DYRK4: variants seen among roughly 807,000 people sequenced by gnomAD.
The protein encoded by DYRK4 is dual specificity tyrosine phosphorylation regulated kinase 4.
A neutral mutation model predicts 68.3 loss-of-function variants in DYRK4; 64 were observed. The ratio of observed to expected loss-of-function variants is 0.94; its 90% confidence interval spans 0.77 to 1.15. The LOEUF is 1.15. Among genes scored for constraint, DYRK4 ranks in the 50% most tolerant of loss-of-function variants. The pLI is 0.00. For synonymous variants in DYRK4, 274 were observed against 289.9 expected, an observed-to-expected ratio of 0.95 and a Z score of 0.56; for missense variants, 740 against 764.7, an observed-to-expected ratio of 0.97 and a Z score of 0.38.
chr12:4,579,046 G>A (rs1565534087), intron 2 of DYRK4, among the ~76,000 whole-genome samples: 2 of 152,164 alleles, frequency 1.3e-5, no homozygotes, highest in Non-Finnish European at 2.9e-5. Context: ...GGAGGCCGAG[G>A]TGGGTGGATC....
At chr12:4,609,621 G>A (rs1025158452) in intron 12 of DYRK4, among the ~76,000 whole-genome samples, 3 of 152,172 alleles carry the variant, frequency 2.0e-5, no homozygotes, top group East Asian at 1.9e-4. Flanking sequence ...ACTGATGAGG[G>A]CCAGAGTGAG....
chr12:4,568,089 T>C (rs2240766), intron 2 of DYRK4, 41 bp downstream of exon 2: 727,343 of 1,515,686 alleles, frequency 0.48, 178,224 homozygotes, highest in African/African-American at 0.56. Context: ...AGAGGTATCA[T>C]TGCGAGGTCC....
chr12:4,568,342 C>G (rs767981746), intron 2 of DYRK4, among the ~76,000 whole-genome samples: 1 of 151,986 alleles, frequency 6.6e-6, no homozygotes, highest in Non-Finnish European at 1.5e-5. Context: ...TGGAAGTTAC[C>G]TGGAATAGTT....
At chr12:4,584,542 T>C (rs1944875142) in intron 2 of DYRK4, among the ~76,000 whole-genome samples, 1 of 150,846 alleles carries the variant, frequency 6.6e-6, no homozygotes, top group Admixed American at 6.6e-5. Context: ...CCCTTCCTTT[T>C]CTAATCAGCC....
At position 4,588,990 on chromosome 12, in the gene DYRK4, C is replaced by T. The variant is rs1944925418; in HGVS notation, c.186C>T (p.Asn62=). Residue 62 remains asparagine, a synonymous_variant, in exon 3 of 15, where the codon AAC becomes AAT. Coordinates refer to ENST00000543431, the MANE Select transcript of DYRK4 (RefSeq NM_001394779.1). ...AGAAGCCACCTTCCAATATCAAGAA[C>T]TCCAGAATGACCCAAGTCTTTCATA... is the stretch of plus-strand genomic sequence containing the variant. ...QIQKPPSNIK[N]SRMTQVFHKN... is the part of the protein sequence containing the mutation. 4 of 1,536,100 alleles carry T rather than the reference C, an allele frequency of 2.6e-6. No homozygotes were observed. The highest frequency in any genetic ancestry group is 3.5e-6 in the Non-Finnish European group (4 of 1,146,904).
At chr12:4,569,404 AATC>A (rs1944709093) in intron 2 of DYRK4, among the ~76,000 whole-genome samples, 1 of 152,186 alleles carries the variant, frequency 6.6e-6, no homozygotes, top group African/African-American at 2.4e-5. Flanking sequence ...ATTTTAGCAA[AATC>A]ATCATGAGGT....
At chr12:4,608,367 T>G (rs1945178140) in intron 12 of DYRK4, among the ~76,000 whole-genome samples, 1 of 152,190 alleles carries the variant, frequency 6.6e-6, no homozygotes, top group South Asian at 2.1e-4. Context: ...CCTCTGATTT[T>G]CAACTGCGAG....
At chr12:4,579,135 CG>C (rs977631325) in intron 2 of DYRK4, among the ~76,000 whole-genome samples, 47 of 152,016 alleles carry the variant, frequency 3.1e-4, no homozygotes, top group Admixed American at 2.8e-3. Context: ...ATTAGCTGAG[CG>C]TGGTGGCGTG....
intron 10 of DYRK4, chr12:4,602,527 A>G: frequency 1.7e-6 from 2 of 1,196,468 alleles, no homozygotes; most frequent in Non-Finnish European, 2.4e-6. Flanking sequence ...GTGGGATATA[A>G]GCCAACTTAT....
Position 4,613,440 on chromosome 12 carries a change from T to C in DYRK4, c.1667-75T>C. 4 of 1,521,390 alleles carry C rather than the reference T, an allele frequency of 2.6e-6. No individual in the cohort carries two copies. The highest frequency in any genetic ancestry group is 3.6e-6 in the Non-Finnish European group (4 of 1,126,756). 94.2% of individuals were successfully genotyped at this position (1,521,390 alleles called of 1,614,324 possible). A position where few individuals can be genotyped will look rare whatever the true frequency, so the allele number is the denominator to read the frequency against. ...CGGTCATCGTTTCCACTAAGTGATG[T>C]ACAACCTAAAGGACAATTAACATAT... On this transcript the variant is annotated intron_variant, in intron 14 of 14. Transcript: ENST00000543431. This position sits in a 1 kb window ranked among gnomAD's most constrained non-coding sequence, Gnocchi z 4.0.
chr12:4,595,001 T>C (rs572664286), intron 6 of DYRK4, among the ~76,000 whole-genome samples: 1 of 152,346 alleles, frequency 6.6e-6, no homozygotes, highest in East Asian at 1.9e-4. Context: ...CAAGTAACCA[T>C]AATCAATGTC....
intron 2 of DYRK4, among the ~76,000 whole-genome samples, chr12:4,587,591 ATT>A (rs1405091212): frequency 6.6e-6 from 1 of 152,180 alleles, no homozygotes; most frequent in African/African-American, 2.4e-5. Flanking sequence ...CAATTGCAAT[ATT>A]TGCTCAGATA....
intron 1 of DYRK4, 84 bp downstream of exon 1, chr12:4,562,367 TGG>T: frequency 6.8e-7 from 1 of 1,464,064 alleles, no homozygotes; most frequent in Non-Finnish European, 9.1e-7. Flanking sequence ...GACGGGGTCG[TGG>T]GGGGAGAATG....
chr12:4,589,861 T>C (rs1352645930), intron 3 of DYRK4, among the ~76,000 whole-genome samples: 1 of 152,136 alleles, frequency 6.6e-6, no homozygotes, highest in Admixed American at 6.5e-5. Context: ...ATAGAGGAAA[T>C]TGAAGCTTAT....
At chr12:4,563,508 G>C (rs1944649145) in intron 1 of DYRK4, among the ~76,000 whole-genome samples, 1 of 152,196 alleles carries the variant, frequency 6.6e-6, no homozygotes, top group African/African-American at 2.4e-5. Flanking sequence ...GGTGGAGGCT[G>C]CATTCATAGA....
At chr12:4,607,857 G>C (rs1006953526) in intron 12 of DYRK4, among the ~76,000 whole-genome samples, 4 of 152,182 alleles carry the variant, frequency 2.6e-5, no homozygotes, top group African/African-American at 4.8e-5. Flanking sequence ...TACTGTGCCA[G>C]GTTCATTGCC....
In DYRK4 at chr12:4,612,594, G is replaced by C; in HGVS notation, c.1542G>C (p.Trp514Cys). ...MTPDQALKHA[W>C]IHQSRNLKPQ... ...CGGACCAGGCCCTCAAGCATGCTTG[G>C]ATTCATCAGTCTCGGAACCTCAAGC... Residue 514 changes from tryptophan (W) to cysteine (C), a missense_variant, in exon 14 of 15, where the codon TGG becomes TGC. Around this residue, in one of 3 missense-constraint regions of DYRK4, gnomAD observed 614 missense variants for 603.7 expected, o/e 1.02. Transcript: ENST00000543431. 1 of 1,614,196 alleles carries C rather than the reference G, an allele frequency of 6.2e-7. No individual in the cohort carries two copies. Among genetic ancestry groups the C allele is most frequent in the Non-Finnish European group, 8.5e-7 (1 of 1,180,034 alleles).
In DYRK4 at chr12:4,568,155, G is replaced by A. The variant is rs753001862; in HGVS notation, c.132+107G>A. 29 of 997,208 alleles carry A rather than the reference G, an allele frequency of 2.9e-5. 1 individual carries two copies. The highest frequency in any genetic ancestry group is 2.3e-4 in the Middle Eastern group (1 of 4,380). 61.8% of individuals were successfully genotyped at this position (997,208 alleles called of 1,614,324 possible). A position where few individuals can be genotyped will look rare whatever the true frequency, so the allele number is the denominator to read the frequency against. On this transcript the variant is annotated intron_variant, in intron 2 of 14. Transcript: ENST00000543431. ...TGCCCCAAGCACCTCTGGGTACAGC[G>A]CAAAGGCAAAGGTGTGGAGGATCAT...
At chr12:4,605,355 C>A (rs879709521) in intron 11 of DYRK4, among the ~76,000 whole-genome samples, 3 of 152,186 alleles carry the variant, frequency 2.0e-5, no homozygotes, top group Non-Finnish European at 4.4e-5. Flanking sequence ...AATTACACCG[C>A]TCTTTCAAAA....
Sources: gnomAD v4.1 joint callset for allele counts (sites outside exome capture counted in the v4.1 genomes callset) on GRCh38, gnomAD v4.1.1 for gene constraint, gnomAD v4.1.1 regional missense constraint, Gnocchi (gnomAD v3.1) non-coding constraint, MANE v1.5 for transcripts, NCBI Gene and HGNC (gene_info 2026-07-23, HGNC 2026-07-21) for gene names.